The following GLIS3 variants were observed in gnomAD, a reference collection of about 807,000 sequenced individuals.
The protein encoded by GLIS3 is zinc finger protein GLIS3.
A neutral mutation model predicts 78.6 loss-of-function variants in GLIS3; 53 were observed. The observed-to-expected ratio is 0.67, with a 90% CI of 0.54 to 0.85. The LOEUF (loss-of-function observed/expected upper bound fraction) is 0.85, where lower values mean the gene tolerates loss of function less well. Ranked by LOEUF, GLIS3 falls within the 40% of genes least tolerant of loss-of-function variation. The pLI, the probability that GLIS3 is intolerant of heterozygous loss-of-function variation, is 0.00. For missense variants in GLIS3, 1,703 were observed against 1,231.1 expected, an observed-to-expected ratio of 1.38 and a Z score of -5.74; for synonymous variants, 684 against 509.9, an observed-to-expected ratio of 1.34 and a Z score of -4.60.
intron 4 of GLIS3, among the ~76,000 whole-genome samples, chr9:3,939,696 C>T (rs1379042228): frequency 6.6e-6 from 1 of 151,970 alleles, no homozygotes; most frequent in African/African-American, 2.4e-5. Context: ...AATAGAACAG[C>T]ATTACAGTAT....
At chr9:4,001,063 T>C (rs1442226343) in intron 4 of GLIS3, among the ~76,000 whole-genome samples, 2 of 152,234 alleles carry the variant, frequency 1.3e-5, no homozygotes, top group Non-Finnish European at 2.9e-5. Flanking sequence ...TTTTATGTCA[T>C]GCACTGTGCC....
the GLIS3 span, among the ~76,000 whole-genome samples, chr9:4,386,008 G>C: frequency 6.6e-6 from 1 of 152,112 alleles, no homozygotes; most frequent in Non-Finnish European, 1.5e-5. Flanking sequence ...ATCTATTTAT[G>C]GCATCTTTGC....
intron 4 of GLIS3, among the ~76,000 whole-genome samples, chr9:4,089,582 T>C (rs573320279): frequency 6.6e-6 from 1 of 152,254 alleles, no homozygotes; most frequent in African/African-American, 2.4e-5. Flanking sequence ...TCCCAGCGCT[T>C]TGGGAGACCC....
At chr9:3,906,900 C>T (rs1260211519) in intron 6 of GLIS3, among the ~76,000 whole-genome samples, 3 of 152,214 alleles carry the variant, frequency 2.0e-5, no homozygotes, top group African/African-American at 7.2e-5. Context: ...GCAAACTTCC[C>T]ACGTAGCATA....
chr9:4,109,362 C>G (rs1831027912), intron 4 of GLIS3, among the ~76,000 whole-genome samples: 2 of 152,196 alleles, frequency 1.3e-5, no homozygotes, highest in South Asian at 4.1e-4. Context: ...CATAACTGAT[C>G]AAATAACTTT....
intron 9 of GLIS3, among the ~76,000 whole-genome samples, chr9:3,851,680 C>T (rs927195193): frequency 9.0e-6 from 1 of 111,012 alleles, no homozygotes; most frequent in Non-Finnish European, 2.2e-5. Flanking sequence ...CTTGATGGAT[C>T]TCATCTTCTT....
At chr9:3,907,459 TA>T (rs1301578283) in intron 6 of GLIS3, among the ~76,000 whole-genome samples, 1 of 152,174 alleles carries the variant, frequency 6.6e-6, no homozygotes, top group Non-Finnish European at 1.5e-5. Flanking sequence ...ACAGGTGATA[TA>T]AATGTGGCAG....
intron 7 of GLIS3, among the ~76,000 whole-genome samples, chr9:3,887,849 A>G (rs1426228963): frequency 2.2e-4 from 34 of 152,198 alleles, no homozygotes; most frequent in Admixed American, 2.2e-3. Flanking sequence ...GAATGGCATC[A>G]TCTGGCAGCT....
chr9:4,067,020 G>T (rs928730126), intron 4 of GLIS3, among the ~76,000 whole-genome samples: 2 of 151,984 alleles, frequency 1.3e-5, no homozygotes, highest in African/African-American at 4.8e-5. Context: ...CTCCCCAATG[G>T]GATCTAATTC....
chr9:4,090,918 T>C (rs984931285), intron 4 of GLIS3, among the ~76,000 whole-genome samples: 19 of 152,228 alleles, frequency 1.2e-4, no homozygotes, highest in African/African-American at 4.6e-4. Context: ...TTCTAGAATC[T>C]GACTGCAAAC....
chr9:3,939,503 C>G (rs1486135205), intron 4 of GLIS3, among the ~76,000 whole-genome samples: 1 of 152,222 alleles, frequency 6.6e-6, no homozygotes, highest in African/African-American at 2.4e-5. Flanking sequence ...GGGCTTATTG[C>G]ATTCCAAGCA....
intron 1 of GLIS3, chr9:4,298,526 G>A: frequency 2.6e-6 from 1 of 390,542 alleles, no homozygotes; most frequent in South Asian, 1.9e-5. Context: ...GTGTCTAGGA[G>A]AGAGCCGGCG....
intron 8 of GLIS3, among the ~76,000 whole-genome samples, chr9:3,857,330 T>C (rs1377388691): frequency 6.6e-6 from 1 of 152,202 alleles, no homozygotes. Context: ...CAGGAACAAA[T>C]TGCTTTAACT....
chr9:3,969,845 A>C (rs1251402726), intron 4 of GLIS3, among the ~76,000 whole-genome samples: 1 of 152,214 alleles, frequency 6.6e-6, no homozygotes, highest in African/African-American at 2.4e-5. Flanking sequence ...AACTGAGCAA[A>C]ATTCAAAAAG....
intron 9 of GLIS3, among the ~76,000 whole-genome samples, chr9:3,851,704 A>G (rs965907354): frequency 3.3e-4 from 50 of 152,214 alleles, no homozygotes; most frequent in Non-Finnish European, 6.2e-4. Flanking sequence ...TTGGAAGACC[A>G]AAGCCCCTCT....
chr9:4,275,118 A>G (rs1480925015), intron 2 of GLIS3, among the ~76,000 whole-genome samples: 1 of 152,218 alleles, frequency 6.6e-6, no homozygotes, highest in Non-Finnish European at 1.5e-5. Flanking sequence ...TAAAGACTTC[A>G]TATAGATAGA....
At position 4,196,233 on chromosome 9, in the gene GLIS3, G is replaced by C. The variant is rs1012306105; in HGVS notation, c.389-70292C>G. Among the ~76,000 whole-genome samples the C allele has an allele frequency of 3.3e-5, 5 of 152,124 alleles. No homozygotes were observed. In the East Asian group the frequency reaches 5.8e-4, roughly 18 times the overall value. On this transcript the variant is annotated intron_variant, in intron 2 of 10. Coordinates refer to ENST00000381971, the MANE Select transcript of GLIS3 (RefSeq NM_001042413.2). ...AATCAGCACTCTGTATCTAGCTCAAGGTTTGTAAACACACCAATCAGCACC... is the reference window on the plus strand; with the variant it reads ...AATCAGCACTCTGTATCTAGCTCAACGTTTGTAAACACACCAATCAGCACC...
At chr9:3,868,841 TG>T (rs1820781989) in intron 8 of GLIS3, among the ~76,000 whole-genome samples, 1 of 2,242 alleles carries the variant, frequency 4.5e-4, no homozygotes, top group Non-Finnish European at 9.7e-4. Flanking sequence ...TTGTACATAG[TG>T]TTGTATACAA....
At position 4,177,290 on chromosome 9, in the gene GLIS3, C is replaced by A. The variant is rs184686090; in HGVS notation, c.389-51349G>T. On this transcript the variant is annotated intron_variant, in intron 2 of 10. Coordinates refer to ENST00000381971, the MANE Select transcript of GLIS3 (RefSeq NM_001042413.2). ...TTATCTATTGGTTGGCAACATATGA[C>A]CTCAAATTATCTTTTTGTAAGGTGT... 8.5e-5 allele frequency among the ~76,000 whole-genome samples: 13 copies of A among 152,242 alleles called. No individual in the cohort carries two copies. In the East Asian group the frequency reaches 2.1e-3, roughly 25 times the overall value.
Sources: gnomAD v4.1 joint callset for allele counts (sites outside exome capture counted in the v4.1 genomes callset) on GRCh38, gnomAD v4.1.1 for gene constraint, MANE v1.5 for transcripts, NCBI Gene and HGNC (gene_info 2026-07-23, HGNC 2026-07-21) for gene names.